NRG1: variants seen among roughly 807,000 people sequenced by gnomAD.
NRG1 encodes pro-neuregulin-1, membrane-bound isoform.
A neutral mutation model predicts 63.8 loss-of-function variants in NRG1; 18 were observed. The observed-to-expected ratio is 0.28, with a 90% CI of 0.19 to 0.42. NRG1 has a LOEUF of 0.42. Among genes scored for constraint, NRG1 ranks in the 10% least tolerant of loss-of-function variants. The pLI is 1.00. For synonymous variants in NRG1, 302 were observed against 301.3 expected (o/e 1.00, Z -0.02); for missense variants, 762 against 814.7 (o/e 0.94, Z 0.79).
At chr8:32,748,777 C>T (rs1208018673) in intron 7 of NRG1, 1 of 450,024 alleles carries the variant, frequency 2.2e-6, no homozygotes, top group African/African-American at 2.0e-5. Context: ...TTATTTTTTT[C>T]CTTACAGTTT....
chr8:32,431,448 T>C (rs1818140599), intron 1 of NRG1, among the ~76,000 whole-genome samples: 2 of 152,104 alleles, frequency 1.3e-5, no homozygotes, highest in Non-Finnish European at 2.9e-5. Flanking sequence ...TCACTCTCCA[T>C]CACGTAGTCT....
intron 1 of NRG1, chr8:32,061,977 G>GACATACAAGTACA (rs1823950884): frequency 6.6e-6 from 1 of 152,018 alleles, no homozygotes; most frequent in South Asian, 2.1e-4. Context: ...TTATATTACA[G>GACATACAAGTACA]GACAGACATA....
intron 1 of NRG1, among the ~76,000 whole-genome samples, chr8:32,012,277 A>G (rs1814879220): frequency 6.6e-6 from 1 of 152,120 alleles, no homozygotes; most frequent in African/African-American, 2.4e-5. Context: ...CCAGCCATGA[A>G]AAATGCTTGG....
chr8:32,177,022 T>G lies in NRG1; in HGVS notation c.38-418806T>G, dbSNP rs539645877. Among the ~76,000 whole-genome samples the G allele has an allele frequency of 2.6e-5, 4 of 152,264 alleles. 1 individual carries two copies. The South Asian group carries it at 8.3e-4, about 32-fold the overall frequency. On this transcript the variant is annotated intron_variant, in intron 1 of 10. Coordinates refer to the NRG1 transcript ENST00000519301. ...TAAATCATGCTGCTATAAAGACACA[T>G]GCACACATATGTTTATTGTGGCACT...
At chr8:32,560,438 C>T (rs1836173089) in intron 1 of NRG1, among the ~76,000 whole-genome samples, 1 of 152,174 alleles carries the variant, frequency 6.6e-6, no homozygotes, top group African/African-American at 2.4e-5. Flanking sequence ...CACCAGGTGC[C>T]ATCATGGTGC....
intron 1 of NRG1, among the ~76,000 whole-genome samples, chr8:32,356,468 G>C: frequency 7.7e-6 from 1 of 129,346 alleles, no homozygotes; most frequent in Non-Finnish European, 1.6e-5. Context: ...GAGTTTCCTT[G>C]TTGGGACCCC....
chr8:32,522,993 A>T (rs1320981803), intron 1 of NRG1, among the ~76,000 whole-genome samples: 2 of 152,028 alleles, frequency 1.3e-5, no homozygotes, highest in African/African-American at 4.8e-5. Context: ...ATAGATATGG[A>T]GTTTCAATAT....
intron 1 of NRG1, among the ~76,000 whole-genome samples, chr8:31,657,046 G>A (rs1038609359): frequency 2.0e-5 from 3 of 152,148 alleles, no homozygotes; most frequent in Non-Finnish European, 4.4e-5. Flanking sequence ...CATTTTTCCT[G>A]CCCATCTATA....
intron 1 of NRG1, among the ~76,000 whole-genome samples, chr8:31,746,329 A>C (rs967243344): frequency 1.3e-5 from 2 of 151,954 alleles, no homozygotes; most frequent in East Asian, 1.9e-4. Flanking sequence ...GAATTTTCTT[A>C]GTTAAATTTA....
At chr8:32,067,541 A>G (rs2130982787) in intron 1 of NRG1, among the ~76,000 whole-genome samples, 1 of 152,206 alleles carries the variant, frequency 6.6e-6, no homozygotes, top group South Asian at 2.1e-4. Flanking sequence ...GATGAAGCCC[A>G]CTTGATCACG....
At chr8:32,557,032 G>T (rs926199651) in intron 1 of NRG1, among the ~76,000 whole-genome samples, 1 of 152,026 alleles carries the variant, frequency 6.6e-6, no homozygotes, top group African/African-American at 2.4e-5. Flanking sequence ...TTGAGACTAA[G>T]TCTTGCTCTG....
At chr8:32,704,293 T>C (rs561210534) in intron 5 of NRG1, among the ~76,000 whole-genome samples, 1 of 152,204 alleles carries the variant, frequency 6.6e-6, no homozygotes, top group Non-Finnish European at 1.5e-5. Context: ...ATTAAGTGAA[T>C]TTAGAGTTGA....
At chr8:32,011,360 T>C (rs1814730261) in intron 1 of NRG1, among the ~76,000 whole-genome samples, 1 of 152,064 alleles carries the variant, frequency 6.6e-6, no homozygotes, top group Non-Finnish European at 1.5e-5. Flanking sequence ...TGCACGTTCA[T>C]GTTCAATTCG....
intron 1 of NRG1, chr8:32,221,085 A>G (rs1228038585): frequency 1.3e-5 from 2 of 152,166 alleles, no homozygotes; most frequent in African/African-American, 2.4e-5. Context: ...CAATGGATGC[A>G]TGAAAAAAAG....
intron 1 of NRG1, among the ~76,000 whole-genome samples, chr8:32,002,563 A>G (rs946937002): frequency 6.6e-6 from 1 of 151,742 alleles, no homozygotes; most frequent in African/African-American, 2.4e-5. Flanking sequence ...CTGGAACGAC[A>G]TGATTCTCCA....
chr8:32,103,230 C>T (rs1830799699), intron 1 of NRG1, among the ~76,000 whole-genome samples: 1 of 152,138 alleles, frequency 6.6e-6, no homozygotes, highest in Non-Finnish European at 1.5e-5. Context: ...TTCTCTATCT[C>T]CATGGGTTCA....
chr8:31,859,482 A>T (rs917957548), intron 1 of NRG1, among the ~76,000 whole-genome samples: 1 of 152,212 alleles, frequency 6.6e-6, no homozygotes, highest in Non-Finnish European at 1.5e-5. Context: ...CCCTGAGAGT[A>T]TACCTAACAT....
chr8:32,418,650 A>G (rs925973387), intron 1 of NRG1, among the ~76,000 whole-genome samples: 4 of 152,140 alleles, frequency 2.6e-5, no homozygotes, highest in South Asian at 4.1e-4. Flanking sequence ...TATCTTCTTA[A>G]GTAAATTCTC....
chr8:32,532,491 A>T (rs1390269651), intron 1 of NRG1, among the ~76,000 whole-genome samples: 2 of 152,280 alleles, frequency 1.3e-5, no homozygotes, highest in Non-Finnish European at 2.9e-5. Flanking sequence ...TTAGAGAAAC[A>T]GTGTTTTTCT....
Sources: allele counts gnomAD v4.1 joint callset (sites outside exome capture counted in the v4.1 genomes callset), GRCh38; gene constraint gnomAD v4.1.1; transcripts MANE v1.5; gene names NCBI Gene and HGNC (gene_info 2026-07-23, HGNC 2026-07-21).